The following ING5 variants were observed in gnomAD, a reference collection of about 807,000 sequenced individuals.
The protein encoded by ING5 is inhibitor of growth family member 5.
In ING5, 17 loss-of-function variants were observed where a neutral mutation model predicts 37.4. The observed-to-expected ratio is 0.45, with a 90% CI of 0.31 to 0.68. The LOEUF is 0.68. Among genes scored for constraint, ING5 ranks in the 30% least tolerant of loss-of-function variants. The pLI is 0.05. For missense variants in ING5, 233 were observed against 311.9 expected (o/e 0.75, Z 1.91); for synonymous variants, 123 against 116.6 (o/e 1.06, Z -0.36).
chr2:241,701,868 G>A (rs2069733791), upstream of ING5, among the ~76,000 whole-genome samples: 1 of 151,948 alleles, frequency 6.6e-6, no homozygotes, highest in Non-Finnish European at 1.5e-5. Context: ...CTCGCTGCCC[G>A]ACGCCGCTGC....
upstream of ING5, among the ~76,000 whole-genome samples, chr2:241,699,024 G>A (rs2069673450): frequency 7.6e-6 from 1 of 131,252 alleles, no homozygotes; most frequent in South Asian, 2.5e-4. Context: ...CACCACCCCA[G>A]CTGAATTTTT....
chr2:241,694,623 A>T (rs2069604698), intron 2 of ING5, among the ~76,000 whole-genome samples: 1 of 151,814 alleles, frequency 6.6e-6, no homozygotes, highest in Non-Finnish European at 1.5e-5. Context: ...AAAAAGCCTG[A>T]TGAAATCTAG....
intron 7 of ING5, 166 bp from the exon 8 acceptor site, chr2:241,724,823 G>C (rs1254169754): frequency 1.3e-5 from 8 of 636,314 alleles, no homozygotes; most frequent in African/African-American, 9.2e-5. Flanking sequence ...CACGTGCATC[G>C]GCGCATTTTC....
intron 5 of ING5, among the ~76,000 whole-genome samples, chr2:241,714,227 C>A (rs1226619994): frequency 6.6e-6 from 1 of 152,114 alleles, no homozygotes; most frequent in Admixed American, 6.6e-5. Context: ...TTCCTTGTTT[C>A]TTTAATAGTT....
At chr2:241,698,049 C>T (rs1294755163), upstream of ING5, among the ~76,000 whole-genome samples, 1 of 147,636 alleles carries the variant, frequency 6.8e-6, no homozygotes, top group East Asian at 2.0e-4. Flanking sequence ...CACCATTGCA[C>T]TCCATCCTGG....
intron 2 of ING5, among the ~76,000 whole-genome samples, chr2:241,706,249 T>C (rs1235149236): frequency 6.6e-6 from 1 of 152,128 alleles, no homozygotes; most frequent in Non-Finnish European, 1.5e-5. Flanking sequence ...CTTCCCTGAA[T>C]CTTAAATGTC....
chr2:241,700,501 G>A (rs2069699679), upstream of ING5, among the ~76,000 whole-genome samples: 1 of 151,780 alleles, frequency 6.6e-6, no homozygotes, highest in Non-Finnish European at 1.5e-5. Context: ...TGCTGGCCAG[G>A]CTGGAGTGCA....
chr2:241,706,483 G>A (rs2069914371), intron 2 of ING5, among the ~76,000 whole-genome samples: 1 of 152,004 alleles, frequency 6.6e-6, no homozygotes, highest in Non-Finnish European at 1.5e-5. Flanking sequence ...TACAAAATTA[G>A]CCGGGTGTGG....
intron 7 of ING5, chr2:241,724,165 G>A (rs990626339): frequency 8.0e-6 from 6 of 748,732 alleles, no homozygotes; most frequent in Admixed American, 9.6e-5. Context: ...CGGCAGACTC[G>A]CCCGAGTTGG....
At chr2:241,687,133 G>A (rs1458686434) in exon 1 of ING5, 1 of 389,070 alleles carries the variant, frequency 2.6e-6, no homozygotes, top group African/African-American at 2.1e-5. Flanking sequence ...CGGACGAGGG[G>A]AGCGCAGGGT....
At chr2:241,699,346 A>G (rs2069680256), upstream of ING5, among the ~76,000 whole-genome samples, 1 of 152,122 alleles carries the variant, frequency 6.6e-6, no homozygotes, top group Non-Finnish European at 1.5e-5. Context: ...AATGAACATA[A>G]TAGTGGCAAA....
rs1018723178 is a variant in ING5 at position 241,725,284 on chromosome 2, C to T, written c.*253C>T. 7.7e-6 allele frequency: 4 copies of T among 517,204 alleles called. No individual in the cohort carries two copies. The highest frequency in any genetic ancestry group is 3.3e-5 in the Admixed American group (1 of 30,546). 32.0% of individuals were successfully genotyped at this position (517,204 alleles called of 1,614,324 possible). A position where few individuals can be genotyped will look rare whatever the true frequency, so the allele number is the denominator to read the frequency against. On this transcript the variant is annotated 3_prime_UTR_variant, in exon 8 of 8. Coordinates refer to ENST00000313552, the MANE Select transcript of ING5 (RefSeq NM_032329.6). ...TCCCCCCGAGCATCAGCAGGGACCC[C>T]GGCGGACGTGGGCGGGCGCGCGTGA...
At chr2:241,687,515 G>C (rs993563769) in exon 1 of ING5, 1 of 379,618 alleles carries the variant, frequency 2.6e-6, no homozygotes, top group Non-Finnish European at 4.6e-6. Context: ...TGGAAAGTCC[G>C]TGTGTGTGTT....
At chr2:241,703,420 G>A (rs543124246) in intron 1 of ING5, among the ~76,000 whole-genome samples, 10 of 152,216 alleles carry the variant, frequency 6.6e-5, no homozygotes, top group Non-Finnish European at 2.9e-5. Flanking sequence ...CCTGGTCTAG[G>A]GGGTAACAAA....
rs185510650 is a variant in ING5 at position 241,693,027 on chromosome 2, G to A, written c.43+2374G>A. On this transcript the variant is annotated intron_variant, in intron 2 of 7. Coordinates refer to the ING5 transcript ENST00000636051. Reference sequence around the variant, plus strand: ...TGTAATCTCAGCACTTTGGGAGGCAGAGGCGGGCAGATCACGAGATCAGGA... The same window carrying A: ...TGTAATCTCAGCACTTTGGGAGGCAAAGGCGGGCAGATCACGAGATCAGGA... 3.0e-3 allele frequency among the ~76,000 whole-genome samples: 464 copies of A among 152,224 alleles called. 1 individual carries two copies. The highest frequency in any genetic ancestry group is 0.024 in the Middle Eastern group (7 of 294).
At chr2:241,695,926 AG>A (rs1192669235) in intron 2 of ING5, among the ~76,000 whole-genome samples, 2 of 152,186 alleles carry the variant, frequency 1.3e-5, no homozygotes, top group African/African-American at 4.8e-5. Context: ...GCTCACAAGG[AG>A]TATTCAGCTA....
upstream of ING5, among the ~76,000 whole-genome samples, chr2:241,699,981 A>G (rs199640934): frequency 8.6e-6 from 1 of 116,924 alleles, no homozygotes; most frequent in South Asian, 3.2e-4. Context: ...AACACTTTAA[A>G]TTATTTTATT....
At chr2:241,700,794 T>A (rs1575118327), upstream of ING5, among the ~76,000 whole-genome samples, 1 of 151,654 alleles carries the variant, frequency 6.6e-6, no homozygotes, top group East Asian at 1.9e-4. Context: ...CCCGGGTAAT[T>A]TTTGTATTTT....
At chr2:241,719,768 A>G (rs2070380772) in intron 5 of ING5, 3 of 1,444,964 alleles carry the variant, frequency 2.1e-6, no homozygotes, top group South Asian at 1.5e-5. Context: ...AGGAAGATCC[A>G]CTGTGGCCTC....
Sources: gnomAD v4.1 joint callset for allele counts (sites outside exome capture counted in the v4.1 genomes callset) on GRCh38, gnomAD v4.1.1 for gene constraint, MANE v1.5 for transcripts, NCBI Gene and HGNC (gene_info 2026-07-23, HGNC 2026-07-21) for gene names.